The following CAMTA1 variants were observed in gnomAD, a reference collection of about 807,000 sequenced individuals.
The protein encoded by CAMTA1 is calmodulin-binding transcription activator 1.
In CAMTA1, 27 loss-of-function variants were observed where a neutral mutation model predicts 170.9. The ratio of observed to expected loss-of-function variants is 0.16; its 90% CI spans 0.12 to 0.22. The LOEUF is 0.22. CAMTA1 is among the 10% of genes least tolerant of loss of function. The pLI is 1.00. For synonymous variants in CAMTA1, 833 were observed against 891.5 expected (o/e 0.93, Z 1.17); for missense variants, 1,619 against 2,217.2 (o/e 0.73, Z 5.42).
rs538697320 is a variant in CAMTA1, at chr1:6,918,707, G to A, written c.234+93497G>A. 3.7e-4 allele frequency among the ~76,000 whole-genome samples: 56 copies of A among 152,314 alleles called. No homozygotes were observed. The highest frequency in any genetic ancestry group is 1.3e-3 in the African/African-American group (56 of 41,572). Reference sequence around the variant, plus strand: ...CAGGAGTTGGGCAGAGGGAGGGGAGGCTGGGCTCCTTGGGACTTCCTGGTG... The same window carrying A: ...CAGGAGTTGGGCAGAGGGAGGGGAGACTGGGCTCCTTGGGACTTCCTGGTG... On this transcript the variant is annotated intron_variant, in intron 3 of 22. Coordinates refer to ENST00000303635, the MANE Select transcript of CAMTA1 (RefSeq NM_015215.4). This position sits in a 1 kb window ranked among gnomAD's most constrained non-coding sequence, Gnocchi z 4.0.
chr1:6,990,116 C>T (rs977834265), intron 3 of CAMTA1, among the ~76,000 whole-genome samples: 2 of 152,092 alleles, frequency 1.3e-5, no homozygotes, highest in African/African-American at 4.8e-5. Flanking sequence ...CTTTCCTGCC[C>T]GTAATGAAAT....
intron 3 of CAMTA1, among the ~76,000 whole-genome samples, chr1:6,924,921 T>C (rs1267373560): frequency 6.6e-6 from 1 of 152,236 alleles, no homozygotes; most frequent in Non-Finnish European, 1.5e-5. Context: ...GGGAGTTTTT[T>C]CATGTGACAT....
At chr1:7,148,961 C>G (rs1261732604) in intron 4 of CAMTA1, among the ~76,000 whole-genome samples, 1 of 152,234 alleles carries the variant, frequency 6.6e-6, no homozygotes, top group Non-Finnish European at 1.5e-5. Flanking sequence ...CAGAGAAGGC[C>G]TTGCTGGCAG....
chr1:7,754,389 G>A (rs976247817), intron 21 of CAMTA1, among the ~76,000 whole-genome samples: 4 of 152,126 alleles, frequency 2.6e-5, no homozygotes, highest in African/African-American at 9.7e-5. Flanking sequence ...ATGAATGTGT[G>A]GGTAACGTGG....
At chr1:7,744,782 T>A (rs986065851) in intron 16 of CAMTA1, 53 bp from the exon 17 acceptor site, 2 of 1,522,868 alleles carry the variant, frequency 1.3e-6, no homozygotes, top group Non-Finnish European at 1.8e-6. Flanking sequence ...TAGACCTGGA[T>A]AACTTGTAAG....
At chr1:7,755,593 C>T in intron 21 of CAMTA1, 45 bp from the exon 22 acceptor site, 1 of 1,447,664 alleles carries the variant, frequency 6.9e-7, no homozygotes, top group South Asian at 1.2e-5. Context: ...TCTGTTGTGA[C>T]CCTCATGTGC....
chr1:7,082,136 T>C (rs1168185313), intron 3 of CAMTA1, among the ~76,000 whole-genome samples: 1 of 152,170 alleles, frequency 6.6e-6, no homozygotes, highest in Admixed American at 6.5e-5. Flanking sequence ...ACCAGAGTGA[T>C]GTTTCTAAAA....
At chr1:7,446,345 A>G (rs967128492) in intron 5 of CAMTA1, among the ~76,000 whole-genome samples, 1 of 152,138 alleles carries the variant, frequency 6.6e-6, no homozygotes, top group African/African-American at 2.4e-5. Context: ...CATCTCAAAA[A>G]TTGCTTCCTA....
chr1:7,703,868 G>A (rs1035090845), intron 11 of CAMTA1, among the ~76,000 whole-genome samples: 4 of 152,120 alleles, frequency 2.6e-5, no homozygotes, highest in Non-Finnish European at 5.9e-5. Flanking sequence ...TTTGTGGCCG[G>A]GGCGAGAGAC....
chr1:7,535,104 G>A (rs952763068), intron 6 of CAMTA1, among the ~76,000 whole-genome samples: 2 of 152,152 alleles, frequency 1.3e-5, no homozygotes, highest in Non-Finnish European at 2.9e-5. Context: ...AGGCCGTTGA[G>A]GCAGCAAGGC....
At chr1:7,675,339 C>G (rs146482665) in intron 10 of CAMTA1, among the ~76,000 whole-genome samples, 8 of 152,220 alleles carry the variant, frequency 5.3e-5, no homozygotes, top group African/African-American at 1.9e-4. Flanking sequence ...CTTTCTGCAT[C>G]ATAGGAAGGA....
At chr1:7,703,958 A>G (rs1176272740) in intron 11 of CAMTA1, among the ~76,000 whole-genome samples, 1 of 152,032 alleles carries the variant, frequency 6.6e-6, no homozygotes. Flanking sequence ...GGGTGGGCGG[A>G]GCCTGCACTC....
intron 1 of CAMTA1, among the ~76,000 whole-genome samples, chr1:6,797,152 C>T (rs1484925139): frequency 3.3e-5 from 5 of 152,142 alleles, no homozygotes; most frequent in African/African-American, 1.2e-4. Context: ...TCACTGCAGC[C>T]TCCACTTCTC....
At chr1:7,289,471 A>G (rs1672805708) in intron 5 of CAMTA1, among the ~76,000 whole-genome samples, 1 of 152,186 alleles carries the variant, frequency 6.6e-6, no homozygotes. Context: ...AAAGAGGAAC[A>G]GGGGCTCCAT....
intron 6 of CAMTA1, among the ~76,000 whole-genome samples, chr1:7,594,859 T>G (rs2095387069): frequency 6.6e-6 from 1 of 152,168 alleles, no homozygotes; most frequent in South Asian, 2.1e-4. Context: ...CCTCGGGTCA[T>G]ATTGCAGTCG....
intron 5 of CAMTA1, among the ~76,000 whole-genome samples, chr1:7,280,729 G>A (rs763542546): frequency 5.9e-5 from 9 of 152,154 alleles, no homozygotes; most frequent in South Asian, 2.1e-4. Context: ...CTATAGTTGC[G>A]CATTTTTCAT....
At chr1:7,091,080 C>T (rs976120973) in intron 3 of CAMTA1, among the ~76,000 whole-genome samples, 10 of 152,166 alleles carry the variant, frequency 6.6e-5, no homozygotes, top group Admixed American at 5.2e-4. Context: ...ACCGACTCAT[C>T]TTTTGAGGCC....
chr1:7,645,552 G>C (rs2095796947), intron 7 of CAMTA1, among the ~76,000 whole-genome samples: 1 of 152,266 alleles, frequency 6.6e-6, no homozygotes, highest in African/African-American at 2.4e-5. Context: ...GGCTCCTCTT[G>C]GAGTGCCCTG....
At chr1:7,595,024 C>G (rs750334470) in intron 6 of CAMTA1, among the ~76,000 whole-genome samples, 10 of 152,186 alleles carry the variant, frequency 6.6e-5, no homozygotes, top group Admixed American at 1.3e-4. Flanking sequence ...TAAGACTGAG[C>G]TGGGATACCC....
Sources: allele counts gnomAD v4.1 joint callset (sites outside exome capture counted in the v4.1 genomes callset), GRCh38; gene constraint gnomAD v4.1.1; non-coding constraint Gnocchi (gnomAD v3.1); transcripts MANE v1.5; gene names NCBI Gene and HGNC (gene_info 2026-07-23, HGNC 2026-07-21).